CMSS1: variants seen among roughly 807,000 people sequenced by gnomAD.
CMSS1 encodes cms1 ribosomal small subunit homolog.
Under a neutral mutation model 43.5 loss-of-function variants are expected in CMSS1, and 33 were observed. That is an observed-to-expected ratio of 0.76 (90% confidence interval 0.57 to 1.01). CMSS1 has a LOEUF of 1.01. Ranked by LOEUF, CMSS1 falls within the 50% of genes least tolerant of loss-of-function variation. The probability of loss-of-function intolerance (pLI) is 0.00; values close to 1 mark genes in which losing one functional copy is unlikely to be tolerated. For missense variants in CMSS1, 313 were observed against 326.4 expected, an observed-to-expected ratio of 0.96 and a Z score of 0.32; for synonymous variants, 115 against 117.2, an observed-to-expected ratio of 0.98 and a Z score of 0.12.
chr3:99,849,799 T>C, intron 1 of CMSS1: 1 of 1,613,262 alleles, frequency 6.2e-7, no homozygotes, highest in Non-Finnish European at 8.5e-7. Flanking sequence ...AGAGAGCTCC[T>C]TAATCTTATT....
chr3:99,887,321 T>C (rs1705934096), intron 1 of CMSS1, among the ~76,000 whole-genome samples: 1 of 151,202 alleles, frequency 6.6e-6, no homozygotes, highest in African/African-American at 2.4e-5. Flanking sequence ...TCATCAGAAG[T>C]TAAAGTTCAT....
chr3:100,140,205 A>G (rs936310003), intron 1 of CMSS1, among the ~76,000 whole-genome samples: 2 of 151,818 alleles, frequency 1.3e-5, no homozygotes, highest in African/African-American at 4.9e-5. Flanking sequence ...ACCCCAGATT[A>G]TTTTAATCCC....
At chr3:100,033,330 C>T (rs865886532) in intron 1 of CMSS1, among the ~76,000 whole-genome samples, 1 of 152,212 alleles carries the variant, frequency 6.6e-6, no homozygotes, top group Non-Finnish European at 1.5e-5. Context: ...TGCCTCACCT[C>T]TATCGAGTGG....
In CMSS1 at chr3:99,848,767, T is replaced by C. The variant is rs200033744; in HGVS notation, c.64+30724T>C. On this transcript the variant is annotated intron_variant, in intron 1 of 9. Transcript: ENST00000421999. ...CATGGTAATTGGGGACATGCCTTGT[T>C]CTAAATTCATGAGGTCTTCGGTAGA... 9.3e-6 allele frequency: 15 copies of C among 1,614,094 alleles called. No individual in the cohort carries two copies. The highest frequency in any genetic ancestry group is 1.6e-4 in the Middle Eastern group (1 of 6,084).
intron 1 of CMSS1, among the ~76,000 whole-genome samples, chr3:99,983,169 A>G (rs1236432868): frequency 6.6e-6 from 1 of 151,752 alleles, no homozygotes; most frequent in Non-Finnish European, 1.5e-5. Context: ...AAAATTTCTC[A>G]GGGATATTGT....
At chr3:99,947,353 A>G (rs1385740580) in intron 1 of CMSS1, among the ~76,000 whole-genome samples, 5 of 152,160 alleles carry the variant, frequency 3.3e-5, no homozygotes, top group African/African-American at 1.2e-4. Context: ...CTTCCATACC[A>G]TGATATTTGA....
At chr3:99,924,434 G>A (rs962804414) in intron 1 of CMSS1, 2 of 1,603,816 alleles carry the variant, frequency 1.2e-6, no homozygotes, top group Non-Finnish European at 1.7e-6. Context: ...TTTATAGCCT[G>A]TTACCAAATT....
chr3:99,998,934 T>C (rs562922356), intron 1 of CMSS1, among the ~76,000 whole-genome samples: 14 of 152,344 alleles, frequency 9.2e-5, no homozygotes, highest in Middle Eastern at 3.4e-3. Context: ...CTCCACTATC[T>C]TTGGCATAAA....
chr3:100,014,733 A>G (rs1396002409), intron 1 of CMSS1, among the ~76,000 whole-genome samples: 2 of 147,658 alleles, frequency 1.4e-5, no homozygotes, highest in Non-Finnish European at 3.0e-5. Context: ...TGGATATTGG[A>G]TATTAACCCT....
intron 1 of CMSS1, among the ~76,000 whole-genome samples, chr3:99,840,086 A>G (rs1943064196): frequency 6.6e-6 from 1 of 152,170 alleles, no homozygotes; most frequent in Non-Finnish European, 1.5e-5. Flanking sequence ...TAAACATTAT[A>G]CAGTGCATGA....
chr3:99,988,527 A>AAAAAAAAAAAAAAG, intron 1 of CMSS1, among the ~76,000 whole-genome samples: 1 of 130,214 alleles, frequency 7.7e-6, no homozygotes, highest in Non-Finnish European at 1.6e-5. Context: ...AAAAAAAAAA[A>AAAAAAAAAAAAAAG]AAAGAAAGAA....
chr3:99,940,730 C>T (rs761519109), intron 1 of CMSS1, among the ~76,000 whole-genome samples: 1 of 152,242 alleles, frequency 6.6e-6, no homozygotes. Flanking sequence ...GAACCATCTT[C>T]CTCACCTTTT....
chr3:99,961,532 C>T lies in CMSS1; in HGVS notation c.64+143489C>T, dbSNP rs78958676. ...TTTGCCAGCCCATGTGTGAACCCAT[C>T]CAGTGACGTGCAGCTGAATACTGGT... On this transcript the variant is annotated intron_variant, in intron 1 of 9. Transcript: ENST00000421999. Among the ~76,000 whole-genome samples the T allele has an allele frequency of 8.7e-3, 1,324 of 152,196 alleles. 20 individuals are homozygous for T. Among genetic ancestry groups the T allele is most frequent in the African/African-American group, 0.026 (1,095 of 41,518 alleles).
chr3:99,893,490 A>T (rs1197265688), intron 1 of CMSS1, among the ~76,000 whole-genome samples: 1 of 152,154 alleles, frequency 6.6e-6, no homozygotes, highest in African/African-American at 2.4e-5. Context: ...TTTAATAGGC[A>T]TTTAGTAACA....
chr3:99,962,334 T>G (rs1305360438), intron 1 of CMSS1, among the ~76,000 whole-genome samples: 1 of 152,160 alleles, frequency 6.6e-6, no homozygotes, highest in Non-Finnish European at 1.5e-5. Flanking sequence ...TGGGCAGTCC[T>G]CATCAGGAAG....
chr3:99,888,998 A>G (rs184625532), intron 1 of CMSS1, among the ~76,000 whole-genome samples: 317 of 152,246 alleles, frequency 2.1e-3, no homozygotes, highest in Non-Finnish European at 3.5e-3. Context: ...TATGTTATCT[A>G]TCCTTTGACA....
At chr3:100,089,455 C>T (rs1017756967) in intron 1 of CMSS1, among the ~76,000 whole-genome samples, 17 of 152,226 alleles carry the variant, frequency 1.1e-4, no homozygotes, top group African/African-American at 3.6e-4. Context: ...AATGGATTAA[C>T]TGAATTTAAA....
intron 1 of CMSS1, among the ~76,000 whole-genome samples, chr3:100,052,923 G>A (rs1283162246): frequency 6.6e-6 from 1 of 152,136 alleles, no homozygotes; most frequent in Non-Finnish European, 1.5e-5. Flanking sequence ...TTTAAAACCT[G>A]TAATATATAA....
intron 1 of CMSS1, among the ~76,000 whole-genome samples, chr3:100,014,887 C>CTTTTTTTTTTTTTTTTTT (rs1559725867): frequency 7.4e-4 from 24 of 32,458 alleles, no homozygotes; most frequent in Admixed American, 7.7e-4. Context: ...TTTTTTTTTT[C>CTTTTTTTTTTTTTTTTTT]TTTCTTTCTT....
Sources: gnomAD v4.1 joint callset for allele counts (sites outside exome capture counted in the v4.1 genomes callset) on GRCh38, gnomAD v4.1.1 for gene constraint, MANE v1.5 for transcripts, NCBI Gene and HGNC (gene_info 2026-07-23, HGNC 2026-07-21) for gene names.